Variants in CMIP observed in about 807,000 individuals in gnomAD.
The protein encoded by CMIP is c-Maf inducing protein.
In CMIP, 13 loss-of-function variants were observed where a neutral mutation model predicts 97.3. The observed-to-expected ratio is 0.13, with a 90% CI of 0.09 to 0.21. The LOEUF (loss-of-function observed/expected upper bound fraction) is 0.21. Ranked by LOEUF, CMIP falls within the 10% of genes least tolerant of loss-of-function variation. The pLI, the probability that CMIP is intolerant of heterozygous loss-of-function variation, is 1.00. For synonymous variants in CMIP, 538 were observed against 436.3 expected, an observed-to-expected ratio of 1.23 and a Z score of -2.91; for missense variants, 847 against 1,024.9, an observed-to-expected ratio of 0.83 and a Z score of 2.37.
chr16:81,533,063 T>C (rs1477859612), intron 1 of CMIP, among the ~76,000 whole-genome samples: 1 of 152,194 alleles, frequency 6.6e-6, no homozygotes, highest in Non-Finnish European at 1.5e-5. Flanking sequence ...GGGCTGTCCT[T>C]GATCATTCCA....
chr16:81,574,490 C>A (rs1305653801), intron 1 of CMIP, among the ~76,000 whole-genome samples: 2 of 152,254 alleles, frequency 1.3e-5, no homozygotes, highest in African/African-American at 2.4e-5. Context: ...AGGGCATAAT[C>A]CTTCAGGGAA....
chr16:81,467,214 G>A (rs1253628559), intron 1 of CMIP, among the ~76,000 whole-genome samples: 1 of 152,224 alleles, frequency 6.6e-6, no homozygotes, highest in African/African-American at 2.4e-5. Context: ...CACTCACTCT[G>A]GGACCTGGGC....
At chr16:81,657,408 T>C (rs1236789572) in intron 4 of CMIP, among the ~76,000 whole-genome samples, 1 of 152,198 alleles carries the variant, frequency 6.6e-6, no homozygotes, top group Non-Finnish European at 1.5e-5. Context: ...GCCTTCTGGC[T>C]TCTAAGCAGT....
rs183021908 is a variant in CMIP at position 81,547,673 on chromosome 16, T to C, written c.301-59894T>C. ...TCCTCAGAAGCCTGCAGGGTCCAGA[T>C]TGAGTGTCCGTTAGTTCAGTGTACC... On this transcript the variant is annotated intron_variant, in intron 1 of 20. Coordinates refer to ENST00000537098, the MANE Select transcript of CMIP (RefSeq NM_198390.3). 1.7e-3 allele frequency among the ~76,000 whole-genome samples: 266 copies of C among 152,196 alleles called. 1 individual carries two copies. The highest frequency in any genetic ancestry group is 6.2e-3 in the African/African-American group (256 of 41,540).
intron 3 of CMIP, among the ~76,000 whole-genome samples, chr16:81,626,122 G>A (rs887853424): frequency 1.3e-5 from 2 of 152,328 alleles, no homozygotes; most frequent in East Asian, 1.9e-4. Flanking sequence ...ACAGCCCCTC[G>A]ATCACCGCAT....
chr16:81,483,244 C>T (rs1255694619), intron 1 of CMIP, among the ~76,000 whole-genome samples: 1 of 152,140 alleles, frequency 6.6e-6, no homozygotes, highest in Non-Finnish European at 1.5e-5. Context: ...TGTGCATGTG[C>T]AAAGGCCATG....
intron 3 of CMIP, among the ~76,000 whole-genome samples, chr16:81,622,521 A>G (rs111802561): frequency 0.012 from 1,842 of 151,988 alleles, 33 homozygotes; most frequent in African/African-American, 0.042. Context: ...TCACGGGGGT[A>G]CCACCTCTTC....
At chr16:81,658,854 C>T (rs978063458) in intron 5 of CMIP, among the ~76,000 whole-genome samples, 2 of 152,246 alleles carry the variant, frequency 1.3e-5, no homozygotes, top group African/African-American at 4.8e-5. Flanking sequence ...CACTAGGCCC[C>T]TCACGCTCCT....
chr16:81,595,034 G>GTCTCTCTCTCTCTCTC (rs60887695), intron 1 of CMIP, among the ~76,000 whole-genome samples: 1 of 145,716 alleles, frequency 6.9e-6, no homozygotes, highest in African/African-American at 2.5e-5. Flanking sequence ...ATATCATGTG[G>GTCTCTCTCTCTCTCTC]TCTCTCTCTC....
At chr16:81,658,847 T>G (rs2092513947) in intron 5 of CMIP, among the ~76,000 whole-genome samples, 1 of 152,224 alleles carries the variant, frequency 6.6e-6, no homozygotes, top group African/African-American at 2.4e-5. Context: ...CATCAGTCAC[T>G]AGGCCCCTCA....
intron 1 of CMIP, among the ~76,000 whole-genome samples, chr16:81,522,819 C>T (rs952127716): frequency 5.9e-5 from 9 of 152,166 alleles, no homozygotes; most frequent in African/African-American, 2.2e-4. Flanking sequence ...TACTACCCAC[C>T]TCCAGGTACC....
At chr16:81,644,384 T>A (rs12934546) in intron 3 of CMIP, among the ~76,000 whole-genome samples, 2,586 of 152,148 alleles carry the variant, frequency 0.017, 35 homozygotes, top group Non-Finnish European at 0.027. Context: ...GGGGCTGTGT[T>A]TGACCCAGGG....
intron 1 of CMIP, among the ~76,000 whole-genome samples, chr16:81,577,709 TCATCAC>T (rs1330161626): frequency 1.3e-5 from 2 of 150,360 alleles, no homozygotes; most frequent in Non-Finnish European, 2.9e-5. Context: ...ACCATCACCA[TCATCAC>T]CATCACCTTC....
In CMIP at chr16:81,531,562, A is replaced by G. The variant is rs141858919; in HGVS notation, c.301-76005A>G. 4.8e-3 allele frequency among the ~76,000 whole-genome samples: 732 copies of G among 152,346 alleles called. 2 individuals are homozygous for G. The highest frequency in any genetic ancestry group is 6.2e-3 in the Non-Finnish European group (424 of 68,030). On this transcript the variant is annotated intron_variant, in intron 1 of 20. Coordinates refer to ENST00000537098, the MANE Select transcript of CMIP (RefSeq NM_198390.3). ...CCCGCATGGTTAGTGCTGACCAAGT[A>G]GGAAGTTGGGACACTTGAGGCATCT... is the stretch of plus-strand genomic sequence containing the variant.
At chr16:81,706,931 T>G in intron 19 of CMIP, 83 bp from the exon 20 acceptor site, 31 of 1,182,788 alleles carry the variant, frequency 2.6e-5, no homozygotes, top group Non-Finnish European at 3.6e-5. Context: ...GCACCTGCAT[T>G]GAGCTCCTCC....
intron 1 of CMIP, among the ~76,000 whole-genome samples, chr16:81,569,656 A>T (rs117524173): frequency 2.0e-5 from 3 of 152,212 alleles, no homozygotes; most frequent in Admixed American, 6.5e-5. Flanking sequence ...CTGTGTAAAT[A>T]CTTACACTAT....
chr16:81,531,188 G>C (rs1284779948), intron 1 of CMIP, among the ~76,000 whole-genome samples: 1 of 152,148 alleles, frequency 6.6e-6, no homozygotes, highest in African/African-American at 2.4e-5. Context: ...TAAAAGATGA[G>C]GGAAACTTAG....
At chr16:81,568,045 T>G (rs376480851) in intron 1 of CMIP, among the ~76,000 whole-genome samples, 8 of 124,080 alleles carry the variant, frequency 6.4e-5, no homozygotes, top group Admixed American at 5.1e-4. Context: ...GTGTGTTTTT[T>G]TTTTTTTTTT....
chr16:81,642,357 C>T (rs907052716), intron 3 of CMIP, among the ~76,000 whole-genome samples: 1 of 152,112 alleles, frequency 6.6e-6, no homozygotes, highest in African/African-American at 2.4e-5. Flanking sequence ...AGTAGGCGTC[C>T]CTCCACCCAC....
Sources: allele counts gnomAD v4.1 joint callset (sites outside exome capture counted in the v4.1 genomes callset), GRCh38; gene constraint gnomAD v4.1.1; transcripts MANE v1.5; gene names NCBI Gene and HGNC (gene_info 2026-07-23, HGNC 2026-07-21).